DRD2: variants seen among roughly 807,000 people sequenced by gnomAD.
DRD2 encodes D(2) dopamine receptor.
Under a neutral mutation model 38.0 loss-of-function variants are expected in DRD2, and 8 were observed. The ratio of observed to expected loss-of-function variants is 0.21; its 90% CI spans 0.12 to 0.38. DRD2 has a LOEUF of 0.38. DRD2 is among the 10% of genes least tolerant of loss of function. The pLI is 1.00. For missense variants in DRD2, 403 were observed against 607.7 expected (o/e 0.66, Z 3.54); for synonymous variants, 230 against 238.6 (o/e 0.96, Z 0.33).
chr11:113,441,772 C>A (rs1319185780), intron 1 of DRD2, among the ~76,000 whole-genome samples: 1 of 152,088 alleles, frequency 6.6e-6, no homozygotes, highest in Non-Finnish European at 1.5e-5. Context: ...ATCACAAGGT[C>A]AGGAGATCAA....
chr11:113,428,336 C>T (rs1950957812), intron 1 of DRD2, among the ~76,000 whole-genome samples: 1 of 152,212 alleles, frequency 6.6e-6, no homozygotes, highest in South Asian at 2.1e-4. Context: ...TAAATGAGGG[C>T]AACAGGGTAG....
Position 113,410,351 on chromosome 11 carries a change from G to A in DRD2, c.*376C>T. 1 of 427,632 alleles carries A rather than the reference G, an allele frequency of 2.3e-6. No individual in the cohort carries two copies. The allele number at this position is 427,632 out of a possible 1,614,324, so 26.5% of individuals were successfully genotyped here. ...CCTGCTCCACGCCAAGCCCCACAAA[G>A]AGAAAACTCAGCCTCTGGGCCCTGA... On this transcript the variant is annotated 3_prime_UTR_variant, in exon 8 of 8. Coordinates refer to ENST00000362072, the MANE Select transcript of DRD2 (RefSeq NM_000795.4).
intron 1 of DRD2, among the ~76,000 whole-genome samples, chr11:113,436,359 AAAAT>A (rs1951036905): frequency 6.6e-6 from 1 of 152,218 alleles, no homozygotes; most frequent in Non-Finnish European, 1.5e-5. Context: ...CCTCTAGAAT[AAAAT>A]AAACTTTAAA....
chr11:113,412,736 C>A lies in DRD2; in HGVS notation c.958G>T (p.Asp320Tyr). The part of the protein sequence containing the change: ...PSHHGLHSTP[D>Y]SPAKPEKNGH... ...TTCTTCTCTGGTTTGGCGGGGCTGT[C>A]GGGAGTGCTGTGGAGACCATGGTGG... The change falls in exon 7 of 8, where the codon GAC becomes TAC. Residue 320 changes from aspartate to tyrosine, a missense_variant. Around this residue, in one of 4 missense-constraint regions of DRD2, gnomAD observed 166 missense variants for 178.6 expected, o/e 0.93. Coordinates refer to ENST00000362072, the MANE Select transcript of DRD2 (RefSeq NM_000795.4). The A allele has an allele frequency of 4.3e-6, 7 of 1,613,894 alleles. No homozygotes were observed. Among genetic ancestry groups the A allele is most frequent in the Non-Finnish European group, 5.9e-6 (7 of 1,179,912 alleles).
chr11:113,421,769 C>G (rs1473501514), intron 2 of DRD2, among the ~76,000 whole-genome samples: 1 of 152,108 alleles, frequency 6.6e-6, no homozygotes, highest in East Asian at 1.9e-4. Context: ...GATAGGACAT[C>G]AGGGCAGGGT....
chr11:113,466,674 G>C (rs1951373130), intron 1 of DRD2, among the ~76,000 whole-genome samples: 2 of 152,194 alleles, frequency 1.3e-5, no homozygotes, highest in African/African-American at 4.8e-5. Context: ...TAAGCTGCAA[G>C]TAAAGTAGAG....
intron 1 of DRD2, among the ~76,000 whole-genome samples, chr11:113,471,350 T>A (rs1951423635): frequency 6.6e-6 from 1 of 152,238 alleles, no homozygotes; most frequent in African/African-American, 2.4e-5. Flanking sequence ...ATTAGTCTAC[T>A]GCTCAAATTG....
chr11:113,453,859 T>A (rs1464596006), intron 1 of DRD2, among the ~76,000 whole-genome samples: 1 of 152,238 alleles, frequency 6.6e-6, no homozygotes, highest in Non-Finnish European at 1.5e-5. Context: ...AGAAGGTCAA[T>A]GTATATTAGT....
chr11:113,411,194 ACC>A (rs548708357), intron 7 of DRD2, among the ~76,000 whole-genome samples: 254 of 152,274 alleles, frequency 1.7e-3, no homozygotes, highest in Non-Finnish European at 2.5e-3. Context: ...CCAAAAGGTT[ACC>A]ATTCTGACCC....
At chr11:113,466,564 A>G (rs1023238594) in intron 1 of DRD2, among the ~76,000 whole-genome samples, 1 of 152,208 alleles carries the variant, frequency 6.6e-6, no homozygotes, top group African/African-American at 2.4e-5. Context: ...GAGGGTGGCC[A>G]GATAGTGCAG....
At chr11:113,453,662 G>T (rs561611262) in intron 1 of DRD2, among the ~76,000 whole-genome samples, 1 of 152,338 alleles carries the variant, frequency 6.6e-6, no homozygotes, top group East Asian at 1.9e-4. Context: ...AGACCACAGT[G>T]CAGGGAGAGA....
chr11:113,460,825 T>C (rs984502250), intron 1 of DRD2, among the ~76,000 whole-genome samples: 1 of 152,210 alleles, frequency 6.6e-6, no homozygotes, highest in African/African-American at 2.4e-5. Context: ...TCCAGCATCC[T>C]GTGCACTCAG....
chr11:113,415,639 G>A, intron 4 of DRD2, 28 bp from the exon 5 acceptor site: 1 of 1,588,816 alleles, frequency 6.3e-7, no homozygotes, highest in Middle Eastern at 1.7e-4. Flanking sequence ...CGGGCAGGCA[G>A]GGAGTCAGCG....
At chr11:113,421,817 C>A (rs75627882) in intron 2 of DRD2, among the ~76,000 whole-genome samples, 2 of 152,084 alleles carry the variant, frequency 1.3e-5, no homozygotes, top group African/African-American at 4.8e-5. Flanking sequence ...GACAACAAAT[C>A]GCTGAGATAA....
chr11:113,410,670 C>T lies in DRD2; in HGVS notation c.*57G>A. 2.5e-6 allele frequency: 4 copies of T among 1,609,790 alleles called. No homozygotes were observed. Among genetic ancestry groups the T allele is most frequent in the Non-Finnish European group, 3.4e-6 (4 of 1,177,058 alleles). On this transcript the variant is annotated 3_prime_UTR_variant, in exon 8 of 8. Coordinates refer to ENST00000362072, the MANE Select transcript of DRD2 (RefSeq NM_000795.4). Reference sequence around the variant, plus strand: ...CTGCTCACGGTTCGCAAGGGTGAGGCTGGCCGGCCTGGGCAGGGAGGTGGG... The same window carrying T: ...CTGCTCACGGTTCGCAAGGGTGAGGTTGGCCGGCCTGGGCAGGGAGGTGGG...
At chr11:113,467,500 G>T (rs1951381404) in intron 1 of DRD2, among the ~76,000 whole-genome samples, 1 of 152,206 alleles carries the variant, frequency 6.6e-6, no homozygotes, top group South Asian at 2.1e-4. Flanking sequence ...ACATATTTCT[G>T]CCAGCTTTGG....
At chr11:113,420,724 G>C (rs1223479074) in intron 2 of DRD2, among the ~76,000 whole-genome samples, 3 of 152,228 alleles carry the variant, frequency 2.0e-5, no homozygotes, top group Admixed American at 1.3e-4. Context: ...TAGGTGACAA[G>C]TACTTGGTAA....
chr11:113,451,260 G>A (rs978151836), intron 1 of DRD2, among the ~76,000 whole-genome samples: 2 of 152,068 alleles, frequency 1.3e-5, no homozygotes, highest in African/African-American at 4.8e-5. Flanking sequence ...TGTTTTGTTT[G>A]TTTACTATTT....
At chr11:113,449,793 A>C (rs1951192917) in intron 1 of DRD2, among the ~76,000 whole-genome samples, 1 of 152,222 alleles carries the variant, frequency 6.6e-6, no homozygotes, top group Non-Finnish European at 1.5e-5. Context: ...GGGTCTTCCA[A>C]GAATTGGAGC....
Sources: allele counts gnomAD v4.1 joint callset (sites outside exome capture counted in the v4.1 genomes callset), GRCh38; gene constraint gnomAD v4.1.1; regional missense constraint gnomAD v4.1.1; transcripts MANE v1.5; gene names NCBI Gene and HGNC (gene_info 2026-07-23, HGNC 2026-07-21).